TCF4: variants seen among roughly 807,000 people sequenced by gnomAD.
TCF4 encodes the protein SL3-3 enhancer factor 2.
In TCF4, 3 loss-of-function variants were observed where a neutral mutation model predicts 82.1. That is an observed-to-expected ratio of 0.04 (90% CI 0.02 to 0.09). TCF4 has a LOEUF of 0.09. TCF4 is among the 10% of genes least tolerant of loss of function. The probability of loss-of-function intolerance (pLI) is 1.00; values close to 1 mark genes in which losing one functional copy is unlikely to be tolerated. For synonymous variants in TCF4, 276 were observed against 309.6 expected, an observed-to-expected ratio of 0.89 and a Z score of 1.14; for missense variants, 518 against 852.7, an observed-to-expected ratio of 0.61 and a Z score of 4.89.
intron 2 of TCF4, among the ~76,000 whole-genome samples, chr18:55,612,632 T>C (rs2097708147): frequency 6.6e-6 from 1 of 152,138 alleles, no homozygotes; most frequent in Admixed American, 6.6e-5. Context: ...TTAAATTGTA[T>C]ACATTTAGGA....
chr18:55,556,507 G>A (rs1225157668), intron 3 of TCF4, among the ~76,000 whole-genome samples: 1 of 152,148 alleles, frequency 6.6e-6, no homozygotes. Context: ...CTGTTGCACT[G>A]AGAATTTCTT....
intron 6 of TCF4, among the ~76,000 whole-genome samples, chr18:55,388,667 T>C (rs575776405): frequency 1.3e-5 from 2 of 152,246 alleles, no homozygotes; most frequent in South Asian, 4.1e-4. Context: ...CTACTTGCTA[T>C]GACACAAAGC....
At chr18:55,235,262 A>G (rs2049039450) in intron 15 of TCF4, among the ~76,000 whole-genome samples, 1 of 152,108 alleles carries the variant, frequency 6.6e-6, no homozygotes. Context: ...CTGGCAGCCC[A>G]TTCCAAATTA....
At chr18:55,537,180 G>T (rs969524380) in intron 3 of TCF4, among the ~76,000 whole-genome samples, 1 of 150,394 alleles carries the variant, frequency 6.6e-6, no homozygotes, top group Non-Finnish European at 1.5e-5. Context: ...AACTGGAAAG[G>T]CTTTACAAAA....
rs1485571550 is a variant in TCF4 at position 55,225,558 on chromosome 18, C to T, written c.*2477G>A. 2 of 152,492 alleles carry T rather than the reference C, an allele frequency of 1.3e-5. No homozygotes were observed. The highest frequency in any genetic ancestry group is 2.9e-5 in the Non-Finnish European group (2 of 67,976). The allele number at this position is 152,492 out of a possible 1,614,324, so 9.4% of individuals were successfully genotyped here. ...CTATATAATATTGTTCCTAGGGATA[C>T]CCGCCTTGGTAGACTATACAAAATG... On this transcript the variant is annotated 3_prime_UTR_variant, in exon 20 of 20. Coordinates refer to ENST00000354452, the MANE Select transcript of TCF4 (RefSeq NM_001083962.2).
At chr18:55,267,686 A>T (rs2059500126) in intron 11 of TCF4, 1 of 152,132 alleles carries the variant, frequency 6.6e-6, no homozygotes, top group African/African-American at 2.4e-5. Flanking sequence ...CTGAATTACC[A>T]TGTCTACCTA....
At chr18:55,549,119 G>A (rs1252178747) in intron 3 of TCF4, among the ~76,000 whole-genome samples, 2 of 151,928 alleles carry the variant, frequency 1.3e-5, no homozygotes, top group South Asian at 2.1e-4. Flanking sequence ...TGAGTAACAC[G>A]GCAAAACCCC....
intron 5 of TCF4, among the ~76,000 whole-genome samples, chr18:55,419,391 AC>A (rs148380806): frequency 0.062 from 9,379 of 152,286 alleles, 493 homozygotes; most frequent in African/African-American, 0.14. Flanking sequence ...TCAACATCCA[AC>A]CATTTCATGA....
chr18:55,464,538 C>T (rs182467826), intron 3 of TCF4, among the ~76,000 whole-genome samples: 1 of 152,294 alleles, frequency 6.6e-6, no homozygotes, highest in East Asian at 1.9e-4. Flanking sequence ...CTTTAGCATC[C>T]TCGCCATAAT....
At chr18:55,580,624 A>T (rs1403047976) in intron 3 of TCF4, among the ~76,000 whole-genome samples, 1 of 152,032 alleles carries the variant, frequency 6.6e-6, no homozygotes, top group East Asian at 1.9e-4. Context: ...TGACATCATT[A>T]CAACATTAGA....
chr18:55,299,931 T>C (rs1290889035), intron 8 of TCF4, among the ~76,000 whole-genome samples: 1 of 152,136 alleles, frequency 6.6e-6, no homozygotes, highest in Non-Finnish European at 1.5e-5. Flanking sequence ...GAAATGCTCA[T>C]AGAGACACAC....
intron 8 of TCF4, among the ~76,000 whole-genome samples, chr18:55,310,256 A>G (rs1602207126): frequency 6.6e-6 from 1 of 152,334 alleles, no homozygotes; most frequent in East Asian, 1.9e-4. Flanking sequence ...AAATTCCATT[A>G]GCTAATGGGC....
intron 3 of TCF4, among the ~76,000 whole-genome samples, chr18:55,537,664 G>A (rs1030205770): frequency 6.6e-6 from 1 of 152,150 alleles, no homozygotes; most frequent in African/African-American, 2.4e-5. Context: ...AAATGTGTGT[G>A]TACGTGTGTG....
In TCF4 at chr18:55,453,505, T is replaced by C. The variant is rs544259527; in HGVS notation, c.304+7514A>G. Among the ~76,000 whole-genome samples, 4 of 152,356 alleles carry C rather than the reference T, an allele frequency of 2.6e-5. No individual in the cohort carries two copies. The East Asian group carries it at 7.7e-4, about 29-fold the overall frequency. On this transcript the variant is annotated intron_variant, in intron 5 of 19. Coordinates refer to ENST00000354452, the MANE Select transcript of TCF4 (RefSeq NM_001083962.2). ...TCAATAACTTTCTATGTGAGAAATCTTCCCCTGGTATTTAGAAGGTCTATA... is the reference window on the plus strand; with the variant it reads ...TCAATAACTTTCTATGTGAGAAATCCTCCCCTGGTATTTAGAAGGTCTATA...
At chr18:55,447,552 T>G (rs1429561287) in intron 5 of TCF4, among the ~76,000 whole-genome samples, 6 of 152,198 alleles carry the variant, frequency 3.9e-5, no homozygotes. Context: ...GGTGAATGAC[T>G]GTACGAACCA....
intron 2 of TCF4, among the ~76,000 whole-genome samples, chr18:55,619,137 ATGTT>A (rs147143278): frequency 6.0e-4 from 91 of 151,604 alleles, no homozygotes; most frequent in African/African-American, 1.2e-3. Flanking sequence ...GGGTTGTTTT[ATGTT>A]TGTTTGTTTG....
intron 17 of TCF4, chr18:55,229,315 G>A (rs553069179): frequency 5.2e-4 from 281 of 540,984 alleles, no homozygotes; most frequent in African/African-American, 2.9e-3. Flanking sequence ...TGAGGGTGAC[G>A]TAGATTAAAG....
chr18:55,571,857 C>A (rs1242264576), intron 3 of TCF4, among the ~76,000 whole-genome samples: 1 of 135,924 alleles, frequency 7.4e-6, no homozygotes, highest in African/African-American at 2.8e-5. Flanking sequence ...TCTTAATATT[C>A]TATCATATTT....
At chr18:55,394,747 A>C (rs917181778) in intron 6 of TCF4, among the ~76,000 whole-genome samples, 1 of 152,212 alleles carries the variant, frequency 6.6e-6, no homozygotes, top group East Asian at 1.9e-4. Context: ...TACTTCTATG[A>C]GATTAGAAAA....
Sources: allele counts gnomAD v4.1 joint callset (sites outside exome capture counted in the v4.1 genomes callset), GRCh38; gene constraint gnomAD v4.1.1; transcripts MANE v1.5; gene names NCBI Gene and HGNC (gene_info 2026-07-23, HGNC 2026-07-21).